Variants in MSRA observed in about 807,000 individuals in gnomAD.
MSRA encodes mitochondrial peptide methionine sulfoxide reductase.
A neutral mutation model predicts 31.3 loss-of-function variants in MSRA; 54 were observed. The ratio of observed to expected loss-of-function variants is 1.73; its 90% CI spans 1.39 to 2.17. MSRA has a LOEUF of 2.17. Among genes scored for constraint, MSRA ranks in the 30% most tolerant of loss-of-function variants. The pLI, the probability that MSRA is intolerant of heterozygous loss-of-function variation, is 0.00. For missense variants in MSRA, 507 were observed against 300.9 expected, an observed-to-expected ratio of 1.69 and a Z score of -5.07; for synonymous variants, 169 against 116.5, an observed-to-expected ratio of 1.45 and a Z score of -2.90.
chr8:10,196,729 T>C (rs1484787504), intron 1 of MSRA, among the ~76,000 whole-genome samples: 1 of 151,646 alleles, frequency 6.6e-6, no homozygotes, highest in Non-Finnish European at 1.5e-5. Context: ...TTTTTTTATT[T>C]TTAATTTTTT....
chr8:10,261,312 C>T (rs983512853), intron 3 of MSRA, among the ~76,000 whole-genome samples: 2 of 150,654 alleles, frequency 1.3e-5, no homozygotes, highest in Non-Finnish European at 1.5e-5. Flanking sequence ...TTGAAAGTCA[C>T]TATGCTAGGG....
At chr8:10,370,990 C>T (rs1268362305) in intron 5 of MSRA, among the ~76,000 whole-genome samples, 1 of 152,174 alleles carries the variant, frequency 6.6e-6, no homozygotes, top group Non-Finnish European at 1.5e-5. Context: ...AGTCTGCATG[C>T]CACAATTCAA....
chr8:10,119,499 A>G (rs914480651), intron 1 of MSRA, among the ~76,000 whole-genome samples: 3 of 152,220 alleles, frequency 2.0e-5, no homozygotes, highest in Admixed American at 6.5e-5. Context: ...TAGCACAGAA[A>G]AGCAACCAGG....
intron 1 of MSRA, among the ~76,000 whole-genome samples, chr8:10,194,860 G>C (rs1807839445): frequency 6.6e-6 from 1 of 152,320 alleles, no homozygotes; most frequent in East Asian, 1.9e-4. Context: ...TGGGCTTCCA[G>C]GTGTTCACTG....
chr8:10,083,632 T>C (rs1373022212), intron 1 of MSRA, among the ~76,000 whole-genome samples: 1 of 152,248 alleles, frequency 6.6e-6, no homozygotes, highest in African/African-American at 2.4e-5. Flanking sequence ...ATCATTTGTT[T>C]TTAAGTTTTT....
chr8:10,244,388 T>G (rs1282259517), intron 2 of MSRA, among the ~76,000 whole-genome samples: 1 of 152,172 alleles, frequency 6.6e-6, no homozygotes, highest in African/African-American at 2.4e-5. Context: ...CATCAGATGT[T>G]CAAAGAGATC....
intron 5 of MSRA, chr8:10,320,297 A>G (rs1801975268): frequency 5.4e-6 from 1 of 183,746 alleles, no homozygotes; most frequent in Non-Finnish European, 1.1e-5. Context: ...AAGAAACCCC[A>G]TCTCTACAAA....
At chr8:10,291,187 T>C (rs1048953639) in intron 3 of MSRA, among the ~76,000 whole-genome samples, 44 of 152,318 alleles carry the variant, frequency 2.9e-4, no homozygotes, top group African/African-American at 1.0e-3. Flanking sequence ...GATCCAGTAC[T>C]GAGCTGTGTT....
chr8:10,382,881 C>T (rs1030046687), intron 5 of MSRA, among the ~76,000 whole-genome samples: 1 of 152,206 alleles, frequency 6.6e-6, no homozygotes, highest in Non-Finnish European at 1.5e-5. Flanking sequence ...TTAGATAATA[C>T]TCTTCACCCT....
At chr8:10,224,619 G>T (rs1810832658) in intron 2 of MSRA, among the ~76,000 whole-genome samples, 1 of 152,138 alleles carries the variant, frequency 6.6e-6, no homozygotes, top group Non-Finnish European at 1.5e-5. Flanking sequence ...GAGTCCAGTG[G>T]ACAGAGCTGA....
intron 1 of MSRA, among the ~76,000 whole-genome samples, chr8:10,069,089 G>T (rs1290751517): frequency 6.6e-6 from 1 of 152,164 alleles, no homozygotes; most frequent in Non-Finnish European, 1.5e-5. Context: ...TGCTGGTATA[G>T]GAAGGCAATA....
intron 1 of MSRA, among the ~76,000 whole-genome samples, chr8:10,146,662 T>C (rs1803170788): frequency 6.6e-6 from 1 of 152,094 alleles, no homozygotes; most frequent in Admixed American, 6.5e-5. Flanking sequence ...ATACTTTAAA[T>C]GGGTCAGTTG....
At chr8:10,255,109 G>C (rs1408792895) in intron 3 of MSRA, among the ~76,000 whole-genome samples, 1 of 152,234 alleles carries the variant, frequency 6.6e-6, no homozygotes, top group African/African-American at 2.4e-5. Context: ...TGGCCCTAGA[G>C]TGCTGCCTCA....
chr8:10,143,723 G>A (rs548165391), intron 1 of MSRA, among the ~76,000 whole-genome samples: 3 of 152,072 alleles, frequency 2.0e-5, no homozygotes, highest in Non-Finnish European at 4.4e-5. Flanking sequence ...GGCCACTTTC[G>A]TTTCCAATCA....
At chr8:10,397,647 A>G (rs1170727487) in intron 5 of MSRA, among the ~76,000 whole-genome samples, 1 of 152,250 alleles carries the variant, frequency 6.6e-6, no homozygotes, top group Non-Finnish European at 1.5e-5. Context: ...CTGCTTTGGA[A>G]TTGGAAGACT....
intron 1 of MSRA, among the ~76,000 whole-genome samples, chr8:10,066,946 A>G (rs767705246): frequency 6.8e-6 from 1 of 148,100 alleles, no homozygotes; most frequent in Non-Finnish European, 1.5e-5. Context: ...TCCCATACAC[A>G]CTCCTCCCTG....
chr8:10,395,589 G>A (rs1563431855), intron 5 of MSRA, among the ~76,000 whole-genome samples: 1 of 152,192 alleles, frequency 6.6e-6, no homozygotes, highest in African/African-American at 2.4e-5. Flanking sequence ...GGCTCTTGCA[G>A]AAGTCCAGGC....
At chr8:10,373,227 C>T (rs1563406923) in intron 5 of MSRA, among the ~76,000 whole-genome samples, 1 of 152,204 alleles carries the variant, frequency 6.6e-6, no homozygotes, top group Non-Finnish European at 1.5e-5. Flanking sequence ...CTTGTCTAAT[C>T]CCCCATCCAG....
chr8:10,210,837 G>A (rs1005443214), intron 2 of MSRA, among the ~76,000 whole-genome samples: 6 of 151,478 alleles, frequency 4.0e-5, no homozygotes, highest in East Asian at 3.9e-4. Context: ...GAGTTCAAGC[G>A]ATTCTCCTGC....
Sources: gnomAD v4.1 joint callset for allele counts (sites outside exome capture counted in the v4.1 genomes callset) on GRCh38, gnomAD v4.1.1 for gene constraint, MANE v1.5 for transcripts, NCBI Gene and HGNC (gene_info 2026-07-23, HGNC 2026-07-21) for gene names.